The following GRHL2 variants were observed in gnomAD, a reference collection of about 807,000 sequenced individuals.
The protein encoded by GRHL2 is grainyhead-like protein 2 homolog.
GRHL2 carries 21 observed loss-of-function variants against 83.8 expected under a neutral mutation model. That is an observed-to-expected ratio of 0.25 (90% CI 0.18 to 0.36). The LOEUF (loss-of-function observed/expected upper bound fraction) is 0.36, where lower values mean the gene tolerates loss of function less well. Ranked by LOEUF, GRHL2 falls within the 10% of genes least tolerant of loss-of-function variation. The pLI is 1.00. For missense variants in GRHL2, 623 were observed against 781.8 expected (o/e 0.80, Z 2.42); for synonymous variants, 280 against 278.9 (o/e 1.00, Z -0.04).
chr8:101,563,356 A>AT (rs112264289), intron 4 of GRHL2, among the ~76,000 whole-genome samples: 92 of 147,424 alleles, frequency 6.2e-4, no homozygotes, highest in Admixed American at 2.0e-3. Flanking sequence ...TCCATCTCAG[A>AT]TTTTTTTTTT....
intron 8 of GRHL2, among the ~76,000 whole-genome samples, chr8:101,613,765 G>C (rs1441017168): frequency 6.6e-6 from 1 of 150,950 alleles, no homozygotes; most frequent in Non-Finnish European, 1.5e-5. Context: ...AGGAAAATGT[G>C]TTCTAGTGTT....
chr8:101,642,552 CACAGTAA>C (rs1813423226), intron 12 of GRHL2, among the ~76,000 whole-genome samples: 1 of 152,106 alleles, frequency 6.6e-6, no homozygotes, highest in Admixed American at 6.5e-5. Context: ...CAAGACGTTA[CACAGTAA>C]CGTGACCTGC....
At chr8:101,559,983 C>G (rs150813143) in intron 4 of GRHL2, among the ~76,000 whole-genome samples, 1 of 152,138 alleles carries the variant, frequency 6.6e-6, no homozygotes, top group African/African-American at 2.4e-5. Context: ...AGTTTTGAGA[C>G]TCATTTATGT....
At chr8:101,653,064 C>T (rs1473285877) in intron 14 of GRHL2, among the ~76,000 whole-genome samples, 3 of 152,110 alleles carry the variant, frequency 2.0e-5, no homozygotes, top group Admixed American at 1.3e-4. Context: ...TCCGAAACTC[C>T]GAAGTTGTGT....
At chr8:101,635,055 C>T (rs376116574) in intron 11 of GRHL2, among the ~76,000 whole-genome samples, 15 of 152,236 alleles carry the variant, frequency 9.9e-5, no homozygotes, top group African/African-American at 3.6e-4. Context: ...TTAGCCTTCC[C>T]CAAAGTACTT....
intron 5 of GRHL2, among the ~76,000 whole-genome samples, chr8:101,572,061 G>A (rs1811838570): frequency 1.3e-5 from 2 of 152,156 alleles, no homozygotes; most frequent in South Asian, 4.1e-4. Context: ...TGTGTTATGG[G>A]CAGGCTTGAT....
chr8:101,534,250 C>T (rs1810995219), intron 1 of GRHL2, among the ~76,000 whole-genome samples: 1 of 152,098 alleles, frequency 6.6e-6, no homozygotes, highest in Non-Finnish European at 1.5e-5. Flanking sequence ...CATAAAGTGG[C>T]AGTCAAGTTG....
rs1812458093 is a variant in GRHL2 at position 101,599,098 on chromosome 8, G to A, written c.1045G>A (p.Glu349Lys). 6.2e-7 allele frequency: 1 copy of A among 1,613,644 alleles called. No homozygotes were observed. The highest frequency in any genetic ancestry group is 8.5e-7 in the Non-Finnish European group (1 of 1,179,654). ...CTTTAATACGATTGGAAACATTGAA[G>A]AGATTGCATATAATGCTGTTTCCTT... ...ESFNTIGNIE[E>K]IAYNAVSFTW... is the part of the protein sequence containing the mutation. Residue 349 changes from glutamate (E) to lysine (K), a missense_variant, in exon 8 of 16, where the codon GAG becomes AAG. Transcript: ENST00000646743.
At position 101,667,085 on chromosome 8, in the gene GRHL2, A is replaced by C; in HGVS notation, c.*382A>C. 4 of 308,404 alleles carry C rather than the reference A, an allele frequency of 1.3e-5. No homozygotes were observed. Among genetic ancestry groups the C allele is most frequent in the Non-Finnish European group, 2.5e-5 (4 of 158,900 alleles). 19.1% of individuals were successfully genotyped at this position (308,404 alleles called of 1,614,324 possible). On this transcript the variant is annotated 3_prime_UTR_variant, in exon 16 of 16. Transcript: ENST00000646743. ...ATCCCGAACAGCCTAAAAAATTCCC[A>C]TCCCTTCTCTCTCACCCCTCCATAT...
chr8:101,562,697 A>G (rs928637697), intron 4 of GRHL2, among the ~76,000 whole-genome samples: 4 of 152,228 alleles, frequency 2.6e-5, no homozygotes, highest in Non-Finnish European at 5.9e-5. Flanking sequence ...TTGTGATATA[A>G]TTGTTGGTAC....
At chr8:101,546,299 T>C (rs1811263769) in intron 2 of GRHL2, among the ~76,000 whole-genome samples, 1 of 152,222 alleles carries the variant, frequency 6.6e-6, no homozygotes, top group African/African-American at 2.4e-5. Context: ...AAAATATAGA[T>C]TTTATTCTGT....
chr8:101,549,103 G>A (rs1811325803), intron 2 of GRHL2, among the ~76,000 whole-genome samples: 1 of 151,948 alleles, frequency 6.6e-6, no homozygotes, highest in South Asian at 2.1e-4. Flanking sequence ...TCAAAGTATG[G>A]GCACAAGTTA....
At chr8:101,650,615 TAG>T (rs1318468454) in intron 14 of GRHL2, among the ~76,000 whole-genome samples, 8 of 151,798 alleles carry the variant, frequency 5.3e-5, no homozygotes, top group South Asian at 2.1e-4. Context: ...AGCAAATCCA[TAG>T]AGACGAAAGG....
At chr8:101,592,638 T>G (rs187241647) in intron 7 of GRHL2, among the ~76,000 whole-genome samples, 163 of 152,252 alleles carry the variant, frequency 1.1e-3, no homozygotes, top group Non-Finnish European at 2.0e-3. Flanking sequence ...GAATCTGCAT[T>G]TTACCAAAGC....
chr8:101,646,970 C>T (rs1035578020), intron 13 of GRHL2, among the ~76,000 whole-genome samples: 3 of 152,194 alleles, frequency 2.0e-5, no homozygotes, highest in Non-Finnish European at 2.9e-5. Flanking sequence ...CCCATCAACG[C>T]GGCTCCCTTT....
At chr8:101,562,037 G>C in intron 4 of GRHL2, 2 of 786,088 alleles carry the variant, frequency 2.5e-6, no homozygotes, top group Non-Finnish European at 4.4e-6. Flanking sequence ...TCTTGTAACT[G>C]TTGTACCATT....
chr8:101,519,235 C>A (rs532398433), intron 1 of GRHL2, among the ~76,000 whole-genome samples: 31 of 151,560 alleles, frequency 2.0e-4, no homozygotes, highest in Non-Finnish European at 3.8e-4. Flanking sequence ...GTTGCCCAGG[C>A]TGATCTTGAA....
chr8:101,507,201 A>AATCCT (rs1485861663), intron 1 of GRHL2, among the ~76,000 whole-genome samples: 2 of 151,988 alleles, frequency 1.3e-5, no homozygotes, highest in Non-Finnish European at 2.9e-5. Flanking sequence ...CTTTTGTTAA[A>AATCCT]ATCCTGGCTA....
chr8:101,678,641 A>G, the GRHL2 span, among the ~76,000 whole-genome samples: 1 of 150,458 alleles, frequency 6.6e-6, no homozygotes, highest in Non-Finnish European at 1.5e-5. Flanking sequence ...GCACAGACAA[A>G]CAAAAAGACA....
Sources: gnomAD v4.1 joint callset for allele counts (sites outside exome capture counted in the v4.1 genomes callset) on GRCh38, gnomAD v4.1.1 for gene constraint, MANE v1.5 for transcripts, NCBI Gene and HGNC (gene_info 2026-07-23, HGNC 2026-07-21) for gene names.